MDGA2: variants seen among roughly 807,000 people sequenced by gnomAD.
MDGA2 encodes MAM domain containing glycosylphosphatidylinositol anchor 2.
Under a neutral mutation model 117.8 loss-of-function variants are expected in MDGA2, and 40 were observed. That is an observed-to-expected ratio of 0.34 (90% CI 0.26 to 0.44). The LOEUF (loss-of-function observed/expected upper bound fraction) is 0.44. Ranked by LOEUF, MDGA2 falls within the 20% of genes least tolerant of loss-of-function variation. The pLI is 1.00. For synonymous variants in MDGA2, 452 were observed against 439.0 expected, an observed-to-expected ratio of 1.03 and a Z score of -0.37; for missense variants, 1,123 against 1,250.6, an observed-to-expected ratio of 0.90 and a Z score of 1.54.
intron 2 of MDGA2, among the ~76,000 whole-genome samples, chr14:47,292,304 T>C (rs1376886837): frequency 6.6e-6 from 1 of 152,202 alleles, no homozygotes; most frequent in Non-Finnish European, 1.5e-5. Flanking sequence ...AGGATTCCAC[T>C]AGGTCTTTTC....
chr14:47,095,154 T>C (rs1566620626), intron 6 of MDGA2, among the ~76,000 whole-genome samples: 2 of 152,042 alleles, frequency 1.3e-5, no homozygotes, highest in African/African-American at 2.4e-5. Flanking sequence ...CATTAAACAA[T>C]TGAAATAAAG....
chr14:47,110,037 T>A (rs1237628745), intron 5 of MDGA2, among the ~76,000 whole-genome samples: 2 of 152,192 alleles, frequency 1.3e-5, no homozygotes, highest in African/African-American at 2.4e-5. Context: ...GAGCCATTTA[T>A]TGACAAATTC....
At chr14:46,932,206 C>A (rs943824144) in intron 9 of MDGA2, among the ~76,000 whole-genome samples, 1 of 151,198 alleles carries the variant, frequency 6.6e-6, no homozygotes, top group Admixed American at 6.6e-5. Context: ...GCATAAAGAA[C>A]GATAGTAATT....
chr14:47,530,908 T>C (rs2138731987), intron 1 of MDGA2, among the ~76,000 whole-genome samples: 1 of 152,296 alleles, frequency 6.6e-6, no homozygotes, highest in South Asian at 2.1e-4. Flanking sequence ...ATTAAGTTCA[T>C]GTAATCTGCA....
chr14:47,151,601 C>A (rs1883167476), intron 3 of MDGA2, among the ~76,000 whole-genome samples: 1 of 151,852 alleles, frequency 6.6e-6, no homozygotes, highest in Non-Finnish European at 1.5e-5. Context: ...ATATTTATCT[C>A]TTTAAAATAA....
intron 6 of MDGA2, among the ~76,000 whole-genome samples, chr14:47,092,833 G>A (rs779003215): frequency 1.9e-4 from 29 of 152,038 alleles, no homozygotes; most frequent in Non-Finnish European, 2.6e-4. Context: ...GGGAGAAGCC[G>A]TCAGCAGAAA....
At chr14:47,481,760 G>A (rs1023820951) in intron 1 of MDGA2, among the ~76,000 whole-genome samples, 1 of 151,856 alleles carries the variant, frequency 6.6e-6, no homozygotes, top group Non-Finnish European at 1.5e-5. Context: ...TGGAAATTTG[G>A]CAGGAAAAAT....
At chr14:47,096,490 A>T (rs944304612) in intron 6 of MDGA2, among the ~76,000 whole-genome samples, 4 of 151,382 alleles carry the variant, frequency 2.6e-5, no homozygotes, top group Non-Finnish European at 5.9e-5. Context: ...AAATTGATAA[A>T]TTTACTGAAT....
chr14:47,040,869 T>A (rs1889040786), intron 7 of MDGA2, among the ~76,000 whole-genome samples: 3 of 152,204 alleles, frequency 2.0e-5, no homozygotes, highest in Admixed American at 2.0e-4. Context: ...AGCCTTAATC[T>A]GTCTCTAAAG....
intron 1 of MDGA2, among the ~76,000 whole-genome samples, chr14:47,600,280 T>C (rs568814869): frequency 6.6e-6 from 1 of 151,702 alleles, no homozygotes; most frequent in Non-Finnish European, 1.5e-5. Context: ...ATTTTGTATT[T>C]TTTGGGGATT....
intron 3 of MDGA2, among the ~76,000 whole-genome samples, chr14:47,172,736 G>C (rs1193455099): frequency 6.6e-6 from 1 of 152,218 alleles, no homozygotes; most frequent in African/African-American, 2.4e-5. Flanking sequence ...CTAAAAAGCA[G>C]AGCGCCTCTC....
At chr14:47,101,531 G>A (rs1478901587) in intron 5 of MDGA2, among the ~76,000 whole-genome samples, 1 of 152,126 alleles carries the variant, frequency 6.6e-6, no homozygotes. Context: ...GAGTGTGGCT[G>A]CCTATATAGA....
intron 1 of MDGA2, among the ~76,000 whole-genome samples, chr14:47,485,023 G>A (rs377303479): frequency 2.6e-5 from 4 of 152,184 alleles, no homozygotes; most frequent in East Asian, 1.9e-4. Context: ...AGAGTGGGGC[G>A]CTGCTGAAAA....
chr14:47,143,921 T>C (rs1882829052), intron 4 of MDGA2, among the ~76,000 whole-genome samples, 157 bp downstream of exon 4: 1 of 152,218 alleles, frequency 6.6e-6, no homozygotes, highest in Non-Finnish European at 1.5e-5. Flanking sequence ...AGTTGTCCTT[T>C]ATATTTAAGT....
intron 1 of MDGA2, among the ~76,000 whole-genome samples, chr14:47,326,665 C>T (rs1890151649): frequency 6.7e-6 from 1 of 148,802 alleles, no homozygotes; most frequent in Non-Finnish European, 1.5e-5. Context: ...ATCCCTCTAC[C>T]CTGAAGCCAG....
intron 1 of MDGA2, among the ~76,000 whole-genome samples, chr14:47,490,241 T>G (rs1894141646): frequency 6.6e-6 from 1 of 152,072 alleles, no homozygotes; most frequent in Non-Finnish European, 1.5e-5. Flanking sequence ...TTACTGTTAT[T>G]TATTCAAAAT....
rs181703735 is a variant in MDGA2, at chr14:47,015,286, A to T, written c.1819+19725T>A. 3.7e-3 allele frequency among the ~76,000 whole-genome samples: 564 copies of T among 151,850 alleles called. 14 individuals are homozygous for T. The highest frequency in any genetic ancestry group is 0.032 in the Admixed American group (486 of 15,228). On this transcript the variant is annotated intron_variant, in intron 8 of 16. Transcript: ENST00000399232. ...TTGAAATATTGCAAGAATTACCAAA[A>T]TGTGACATGGAGACATAAAGTGAGC...
rs1031954626 is a variant in MDGA2 at position 47,083,439 on chromosome 14, G to A, written c.1195+13415C>T. 1.3e-4 allele frequency among the ~76,000 whole-genome samples: 20 copies of A among 151,156 alleles called. 1 individual carries two copies. The highest frequency in any genetic ancestry group is 1.3e-3 in the South Asian group (6 of 4,742). On this transcript the variant is annotated intron_variant, in intron 6 of 16. Coordinates refer to ENST00000399232, the MANE Select transcript of MDGA2 (RefSeq NM_001113498.3). ...AATATGCAATTATACTTAGTGAAAG[G>A]AATAGGGAAAAGTACACTACTCTAT...
chr14:47,522,658 A>C (rs1029639640), intron 1 of MDGA2, among the ~76,000 whole-genome samples: 1 of 152,226 alleles, frequency 6.6e-6, no homozygotes, highest in African/African-American at 2.4e-5. Context: ...ATTTCCTTCA[A>C]ATGTAATAGA....
Sources: allele counts gnomAD v4.1 joint callset (sites outside exome capture counted in the v4.1 genomes callset), GRCh38; gene constraint gnomAD v4.1.1; transcripts MANE v1.5; gene names NCBI Gene and HGNC (gene_info 2026-07-23, HGNC 2026-07-21).